Variants in OSBPL3 observed in about 807,000 individuals in gnomAD.
OSBPL3 encodes the protein oxysterol-binding protein-related protein 3.
OSBPL3 carries 65 observed loss-of-function variants against 120.1 expected under a neutral mutation model. The ratio of observed to expected loss-of-function variants is 0.54; its 90% CI spans 0.44 to 0.67. The LOEUF is 0.67. OSBPL3 is among the 30% of genes least tolerant of loss of function. The probability of loss-of-function intolerance (pLI) is 0.00; values close to 1 mark genes in which losing one functional copy is unlikely to be tolerated. For synonymous variants in OSBPL3, 416 were observed against 402.6 expected (o/e 1.03, Z -0.40); for missense variants, 1,004 against 1,082.1 (o/e 0.93, Z 1.01).
chr7:24,804,310 C>T lies in OSBPL3; in HGVS notation c.2567+5G>A, dbSNP rs768863907. ...ACCAAAAACCTACTCAATCCAGGCACGAACCTGAAAAACCGAGGCTGGTGC... is the reference window on the plus strand; with the variant it reads ...ACCAAAAACCTACTCAATCCAGGCATGAACCTGAAAAACCGAGGCTGGTGC... On this transcript the variant is annotated splice_donor_5th_base_variant and intron_variant, in intron 22 of 22. Coordinates refer to ENST00000313367, the MANE Select transcript of OSBPL3 (RefSeq NM_015550.4). The surrounding 1 kb of genome is among the most constrained non-coding windows in gnomAD (Gnocchi z 5.4). 28 of 1,614,140 alleles carry T rather than the reference C, an allele frequency of 1.7e-5. 1 individual carries two copies. Among genetic ancestry groups the T allele is most frequent in the Middle Eastern group, 3.3e-4 (2 of 6,054 alleles).
At chr7:24,850,586 T>C (rs996128587) in intron 11 of OSBPL3, among the ~76,000 whole-genome samples, 10 of 152,192 alleles carry the variant, frequency 6.6e-5, no homozygotes, top group African/African-American at 2.4e-4. Flanking sequence ...GCAGAGCATA[T>C]GGGTTATTTG....
chr7:24,806,279 A>G lies in OSBPL3; in HGVS notation c.2444+497T>C, dbSNP rs1204200187. The stretch of plus-strand genomic sequence containing the variant: ...ATCTTTTCTTTCCTTGGGCTTCTAG[A>G]TTTTGAGTCTTAATTAGAAAGGCCT... On this transcript the variant is annotated intron_variant, in intron 21 of 22. Transcript: ENST00000313367. The surrounding 1 kb of genome is among the most constrained non-coding windows in gnomAD (Gnocchi z 5.2). Among the ~76,000 whole-genome samples, 2 of 152,154 alleles carry G rather than the reference A, an allele frequency of 1.3e-5. No homozygotes were observed. Among genetic ancestry groups the G allele is most frequent in the Non-Finnish European group, 2.9e-5 (2 of 68,024 alleles).
intron 1 of OSBPL3, among the ~76,000 whole-genome samples, chr7:24,975,839 G>A (rs1271490858): frequency 6.6e-6 from 1 of 152,202 alleles, no homozygotes. Context: ...AGATTATGCT[G>A]ACAAAAGCAG....
intron 5 of OSBPL3, among the ~76,000 whole-genome samples, chr7:24,870,515 A>G (rs1470778630): frequency 6.6e-6 from 1 of 152,222 alleles, no homozygotes; most frequent in Non-Finnish European, 1.5e-5. Context: ...GTTCGTATCT[A>G]GGGGATGAGG....
In OSBPL3 at chr7:24,919,266, A is replaced by G. The variant is rs151078809; in HGVS notation, c.-149-26645T>C. Among the ~76,000 whole-genome samples, 973 of 152,304 alleles carry G rather than the reference A, an allele frequency of 6.4e-3. 4 individuals are homozygous for G. The highest frequency in any genetic ancestry group is 1.0e-2 in the Non-Finnish European group (679 of 68,010). ...ACTTTGTGATTTCAAGTTACTACAA[A>G]GCTACAGGCACCAAGACAACGTGTC... On this transcript the variant is annotated intron_variant, in intron 1 of 22. Transcript: ENST00000313367.
intron 1 of OSBPL3, among the ~76,000 whole-genome samples, chr7:24,919,199 C>T (rs1251802644): frequency 6.6e-6 from 1 of 152,074 alleles, no homozygotes; most frequent in African/African-American, 2.4e-5. Flanking sequence ...CAGACATCAG[C>T]ATCACATCAA....
At chr7:24,907,719 C>G (rs1808155470) in intron 1 of OSBPL3, among the ~76,000 whole-genome samples, 1 of 152,210 alleles carries the variant, frequency 6.6e-6, no homozygotes, top group Non-Finnish European at 1.5e-5. Flanking sequence ...ACCCCTCTCC[C>G]ACCCCAAATG....
Position 24,918,879 on chromosome 7 carries a change from G to C in OSBPL3, c.-149-26258C>G, listed in dbSNP as rs141225526. ...AAAGCTTCTGCATCCATGAGAAGGGGATAGAAAAGGCAACAGACATAAATT... is the reference window on the plus strand; with the variant it reads ...AAAGCTTCTGCATCCATGAGAAGGGCATAGAAAAGGCAACAGACATAAATT... On this transcript the variant is annotated intron_variant, in intron 1 of 22. Coordinates refer to ENST00000313367, the MANE Select transcript of OSBPL3 (RefSeq NM_015550.4). This position sits in a 1 kb window ranked among gnomAD's most constrained non-coding sequence, Gnocchi z 4.3. Among the ~76,000 whole-genome samples, 23 of 152,316 alleles carry C rather than the reference G, an allele frequency of 1.5e-4. No individual in the cohort carries two copies. The highest frequency in any genetic ancestry group is 5.9e-4 in the Admixed American group (9 of 15,298).
chr7:24,802,303 CA>C lies in OSBPL3; in HGVS notation c.2567+2011del, dbSNP rs1325862856. 1.3e-5 allele frequency among the ~76,000 whole-genome samples: 2 copies of C among 152,182 alleles called. No homozygotes were observed. Among genetic ancestry groups the C allele is most frequent in the African/African-American group, 4.8e-5 (2 of 41,444 alleles). On this transcript the variant is annotated intron_variant, in intron 22 of 22. Coordinates refer to ENST00000313367, the MANE Select transcript of OSBPL3 (RefSeq NM_015550.4). The surrounding 1 kb of genome is among the most constrained non-coding windows in gnomAD (Gnocchi z 4.1). ...GTGTTAATGACAACATCCAAGTCCCCATATTCCTCTCCAAAATCTCTTTGCC... is the reference window on the plus strand; with the variant it reads ...GTGTTAATGACAACATCCAAGTCCCCTATTCCTCTCCAAAATCTCTTTGCC...
intron 1 of OSBPL3, among the ~76,000 whole-genome samples, chr7:24,948,954 TTA>T: frequency 1.3e-5 from 2 of 152,346 alleles, no homozygotes; most frequent in Middle Eastern, 6.8e-3. Flanking sequence ...GATCTGGCTT[TTA>T]TGATGTTAAT....
intron 20 of OSBPL3, 145 bp from the exon 21 acceptor site, chr7:24,807,047 CA>C: frequency 2.9e-6 from 2 of 685,622 alleles, no homozygotes. Context: ...GACTAATGAA[CA>C]GGCACTGAAC....
rs780959490 is a variant in OSBPL3 at position 24,967,220 on chromosome 7, T to C, written c.-150+12666A>G. Among the ~76,000 whole-genome samples the C allele has an allele frequency of 4.6e-5, 7 of 152,238 alleles. No individual in the cohort carries two copies. Among genetic ancestry groups the C allele is most frequent in the Non-Finnish European group, 7.3e-5 (5 of 68,044 alleles). ...TGTATTTGACTACCAGTTGAACTGA[T>C]TAACACATATTCCCTTGCTCAAAAC... On this transcript the variant is annotated intron_variant, in intron 1 of 22. Transcript: ENST00000313367. The surrounding 1 kb of genome is among the most constrained non-coding windows in gnomAD (Gnocchi z 5.6).
chr7:24,870,927 C>G lies in OSBPL3; in HGVS notation c.268-82G>C. 5.8e-6 allele frequency: 5 copies of G among 865,966 alleles called. No individual in the cohort carries two copies. In the South Asian group the frequency reaches 6.7e-5, roughly 12 times the overall value. 53.6% of individuals were successfully genotyped at this position (865,966 alleles called of 1,614,324 possible). A position where few individuals can be genotyped will look rare whatever the true frequency, so the allele number is the denominator to read the frequency against. On this transcript the variant is annotated intron_variant, in intron 4 of 22. Coordinates refer to ENST00000313367, the MANE Select transcript of OSBPL3 (RefSeq NM_015550.4). ...ATCCCTGACACACCCTTCCACATCC[C>G]CTGATAGTAAAATCACAAACACTGC... is the stretch of plus-strand genomic sequence containing the variant.
At position 24,872,448 on chromosome 7, in the gene OSBPL3, A is replaced by ATTGT. The variant is rs1554382472; in HGVS notation, c.97-380_97-379insACAA. On this transcript the variant is annotated intron_variant, in intron 2 of 22. Coordinates refer to ENST00000313367, the MANE Select transcript of OSBPL3 (RefSeq NM_015550.4). The surrounding 1 kb of genome is among the most constrained non-coding windows in gnomAD (Gnocchi z 4.1). ...TCAGTCTGAATTTTAACCGAAAGAG[A>ATTGT]GTGTGTGTGTGTGTGTGTGTGTGTG... is the stretch of plus-strand genomic sequence containing the variant. Among the ~76,000 whole-genome samples, 55 of 144,988 alleles carry ATTGT rather than the reference A, an allele frequency of 3.8e-4. No homozygotes were observed. Among genetic ancestry groups the ATTGT allele is most frequent in the African/African-American group, 1.4e-3 (54 of 38,820 alleles).
At chr7:24,906,028 A>C (rs904391711) in intron 1 of OSBPL3, 5 of 152,652 alleles carry the variant, frequency 3.3e-5, no homozygotes, top group African/African-American at 1.2e-4. Flanking sequence ...CATCTCAAAA[A>C]AAAAGAAAAC....
intron 12 of OSBPL3, among the ~76,000 whole-genome samples, chr7:24,842,857 G>A (rs909790857): frequency 6.6e-6 from 1 of 152,222 alleles, no homozygotes; most frequent in African/African-American, 2.4e-5. Context: ...CTCTCTGAGG[G>A]AACAATATGC....
chr7:24,968,169 A>G lies in OSBPL3; in HGVS notation c.-150+11717T>C, dbSNP rs369264635. 7.2e-5 allele frequency among the ~76,000 whole-genome samples: 11 copies of G among 152,312 alleles called. No homozygotes were observed. In the East Asian group the frequency reaches 1.2e-3, roughly 16 times the overall value. ...ACCTCTTGTATAATCTTCAAAAGATATTTTATATTTTTATATATACAGTGA... is the reference window on the plus strand; with the variant it reads ...ACCTCTTGTATAATCTTCAAAAGATGTTTTATATTTTTATATATACAGTGA... On this transcript the variant is annotated intron_variant, in intron 1 of 22. Transcript: ENST00000313367. The surrounding 1 kb of genome is among the most constrained non-coding windows in gnomAD (Gnocchi z 4.6).
At chr7:24,884,667 C>T (rs558868762) in intron 2 of OSBPL3, among the ~76,000 whole-genome samples, 1 of 152,338 alleles carries the variant, frequency 6.6e-6, no homozygotes, top group Non-Finnish European at 1.5e-5. Context: ...TTACATAGCA[C>T]TTCCTACTAC....
chr7:24,864,358 T>C (rs928552832), intron 7 of OSBPL3, among the ~76,000 whole-genome samples: 1 of 152,232 alleles, frequency 6.6e-6, no homozygotes, highest in Non-Finnish European at 1.5e-5. Context: ...CCACAGCTCG[T>C]TGGGCTCCAC....
Sources: allele counts gnomAD v4.1 joint callset (sites outside exome capture counted in the v4.1 genomes callset), GRCh38; gene constraint gnomAD v4.1.1; non-coding constraint Gnocchi (gnomAD v3.1); transcripts MANE v1.5; gene names NCBI Gene and HGNC (gene_info 2026-07-23, HGNC 2026-07-21).